The following AGAP1 variants were observed in gnomAD, a reference collection of about 807,000 sequenced individuals.
The protein encoded by AGAP1 is arf-GAP with GTPase, ANK repeat and PH domain-containing protein 1.
In AGAP1, 29 loss-of-function variants were observed where a neutral mutation model predicts 105.3. That is an observed-to-expected ratio of 0.28 (90% confidence interval 0.21 to 0.38). AGAP1 has a LOEUF of 0.38. AGAP1 is among the 10% of genes least tolerant of loss of function. The pLI, the probability that AGAP1 is intolerant of heterozygous loss-of-function variation, is 1.00. For missense variants in AGAP1, 998 were observed against 1,165.1 expected (o/e 0.86, Z 2.09); for synonymous variants, 509 against 485.9 (o/e 1.05, Z -0.63).
At chr2:235,778,344 C>G (rs1439531082) in intron 6 of AGAP1, among the ~76,000 whole-genome samples, 1 of 152,198 alleles carries the variant, frequency 6.6e-6, no homozygotes, top group Non-Finnish European at 1.5e-5. Context: ...ACCAGTGCAG[C>G]CAGCAGGGAA....
intron 10 of AGAP1, among the ~76,000 whole-genome samples, chr2:235,885,007 C>A (rs2050204891): frequency 2.0e-5 from 3 of 152,062 alleles, no homozygotes; most frequent in Admixed American, 2.0e-4. Context: ...AGCCATGACA[C>A]CCAGCCAAGC....
intron 12 of AGAP1, among the ~76,000 whole-genome samples, chr2:235,932,973 C>A (rs974697748): frequency 6.6e-6 from 1 of 152,184 alleles, no homozygotes; most frequent in Non-Finnish European, 1.5e-5. Flanking sequence ...TATTAACACA[C>A]GTGGGTGTCC....
intron 6 of AGAP1, among the ~76,000 whole-genome samples, chr2:235,791,174 T>C (rs1014209128): frequency 6.6e-6 from 1 of 152,190 alleles, no homozygotes; most frequent in Admixed American, 6.5e-5. Context: ...GTGAGAAAAA[T>C]TCTACATATT....
At chr2:235,671,640 C>T (rs576090667) in intron 1 of AGAP1, among the ~76,000 whole-genome samples, 1 of 152,350 alleles carries the variant, frequency 6.6e-6, no homozygotes, top group South Asian at 2.1e-4. Flanking sequence ...GGAGGCCCCT[C>T]TCTCCACAGC....
intron 16 of AGAP1, among the ~76,000 whole-genome samples, chr2:236,107,437 T>C (rs2059528378): frequency 1.3e-5 from 2 of 152,178 alleles, no homozygotes; most frequent in South Asian, 2.1e-4. Context: ...CGCGCTTTCA[T>C]GATTCCTCAG....
At chr2:236,026,715 C>T (rs552427620) in intron 13 of AGAP1, among the ~76,000 whole-genome samples, 24 of 152,102 alleles carry the variant, frequency 1.6e-4, no homozygotes, top group Admixed American at 1.4e-3. Context: ...GGCAACAGAG[C>T]GAGACTCCAT....
In AGAP1 at chr2:236,049,193, G is replaced by T. The variant is rs369599955; in HGVS notation, c.2026G>T (p.Val676Leu). Residue 676 changes from valine to leucine, a missense_variant, in exon 16 of 18, where the codon GTG becomes TTG. Coordinates refer to ENST00000304032, the MANE Select transcript of AGAP1 (RefSeq NM_001037131.3). ...LDDWPVELIK[V>L]MSSIGNELAN... ...TGACTGGCCAGTCGAGCTCATCAAG[G>T]TGATGTCATCCATCGGGAACGAGCT... 6.2e-7 allele frequency: 1 copy of T among 1,614,082 alleles called. No individual in the cohort carries two copies. Among genetic ancestry groups the T allele is most frequent in the African/African-American group, 1.3e-5 (1 of 74,908 alleles).
chr2:235,933,590 T>A (rs899920219), intron 12 of AGAP1, among the ~76,000 whole-genome samples: 7 of 150,216 alleles, frequency 4.7e-5, no homozygotes, highest in African/African-American at 1.7e-4. Flanking sequence ...TGGAGTGCAG[T>A]GGCGCGACCC....
chr2:235,504,269 G>A (rs182524073), intron 1 of AGAP1, among the ~76,000 whole-genome samples: 1 of 152,332 alleles, frequency 6.6e-6, no homozygotes, highest in East Asian at 1.9e-4. Context: ...CTCATCTGTC[G>A]TGAGGGTCGT....
At chr2:235,766,247 T>C (rs1954942223) in intron 6 of AGAP1, among the ~76,000 whole-genome samples, 1 of 152,212 alleles carries the variant, frequency 6.6e-6, no homozygotes, top group Non-Finnish European at 1.5e-5. Context: ...AGCTAACTAA[T>C]AAAAATTCAC....
intron 1 of AGAP1, among the ~76,000 whole-genome samples, chr2:235,593,039 G>T (rs879618490): frequency 3.3e-5 from 5 of 152,204 alleles, no homozygotes; most frequent in Non-Finnish European, 7.3e-5. Flanking sequence ...CCTGCTGAAG[G>T]CCCCTGTTCA....
At chr2:235,902,731 A>T (rs2051126893) in intron 10 of AGAP1, among the ~76,000 whole-genome samples, 2 of 152,218 alleles carry the variant, frequency 1.3e-5, no homozygotes, top group African/African-American at 4.8e-5. Context: ...TGGCTGGTTC[A>T]GCTTGCAACT....
chr2:235,836,824 C>T (rs1392501472), intron 9 of AGAP1, among the ~76,000 whole-genome samples: 1 of 152,194 alleles, frequency 6.6e-6, no homozygotes, highest in East Asian at 1.9e-4. Context: ...TGACCCAGGC[C>T]AGAGCCACAG....
intron 1 of AGAP1, among the ~76,000 whole-genome samples, chr2:235,540,593 G>T (rs1258958224): frequency 1.3e-5 from 2 of 152,234 alleles, no homozygotes; most frequent in Admixed American, 1.3e-4. Flanking sequence ...CTCCCTGGGT[G>T]CTTTCTCTTT....
intron 1 of AGAP1, among the ~76,000 whole-genome samples, chr2:235,641,765 T>C (rs1425309724): frequency 6.6e-6 from 1 of 152,254 alleles, no homozygotes; most frequent in Admixed American, 6.5e-5. Flanking sequence ...AAGAATGATT[T>C]CCCATAATCT....
intron 13 of AGAP1, among the ~76,000 whole-genome samples, chr2:235,999,704 G>A (rs151024792): frequency 8.9e-6 from 1 of 112,784 alleles, no homozygotes; most frequent in East Asian, 2.3e-4. Flanking sequence ...TGATGATAGT[G>A]GTAATGGCGA....
At position 235,550,843 on chromosome 2, in the gene AGAP1, C is replaced by T. The variant is rs549453895; in HGVS notation, c.163+55994C>T. 5.3e-5 allele frequency among the ~76,000 whole-genome samples: 8 copies of T among 152,062 alleles called. No individual in the cohort carries two copies. Among genetic ancestry groups the T allele is most frequent in the Admixed American group, 2.0e-4 (3 of 15,274 alleles). On this transcript the variant is annotated intron_variant, in intron 1 of 17. Transcript: ENST00000304032. The surrounding 1 kb of genome is among the most constrained non-coding windows in gnomAD (Gnocchi z 4.6). ...AGGCTGGAGTGCAGTGGCACTGTCT[C>T]GGCTCACTACAACCTCCACCTCCTG...
chr2:236,068,089 T>A (rs1455984550), intron 16 of AGAP1, among the ~76,000 whole-genome samples: 1 of 152,228 alleles, frequency 6.6e-6, no homozygotes, highest in East Asian at 1.9e-4. Context: ...CCGGCCAACA[T>A]GGTGAAACCC....
In AGAP1 at chr2:236,061,077, TA is replaced by T. The variant is rs1390276240; in HGVS notation, c.2114+11802del. 1.3e-5 allele frequency among the ~76,000 whole-genome samples: 2 copies of T among 151,772 alleles called. No homozygotes were observed. The highest frequency in any genetic ancestry group is 6.6e-5 in the Admixed American group (1 of 15,236). Reference sequence around the variant, plus strand: ...GACCTCGTCTGAAAAATAAAATAAGTAAAAAATAAAAATGGGCTAAGACTCT... The same window carrying T: ...GACCTCGTCTGAAAAATAAAATAAGTAAAAATAAAAATGGGCTAAGACTCT... On this transcript the variant is annotated intron_variant, in intron 16 of 17. Transcript: ENST00000304032. The surrounding 1 kb of genome is among the most constrained non-coding windows in gnomAD (Gnocchi z 4.1).
Sources: gnomAD v4.1 joint callset for allele counts (sites outside exome capture counted in the v4.1 genomes callset) on GRCh38, gnomAD v4.1.1 for gene constraint, Gnocchi (gnomAD v3.1) non-coding constraint, MANE v1.5 for transcripts, NCBI Gene and HGNC (gene_info 2026-07-23, HGNC 2026-07-21) for gene names.